The following NFIB variants were observed in gnomAD, a reference collection of about 807,000 sequenced individuals.
NFIB encodes the protein nuclear factor 1 B-type.
NFIB carries 11 observed loss-of-function variants against 61.5 expected under a neutral mutation model. The ratio of observed to expected loss-of-function variants is 0.18; its 90% CI spans 0.11 to 0.30. The LOEUF is 0.30. Ranked by LOEUF, NFIB falls within the 10% of genes least tolerant of loss-of-function variation. NFIB has a pLI of 1.00. For synonymous variants in NFIB, 260 were observed against 216.5 expected (o/e 1.20, Z -1.76); for missense variants, 471 against 608.9 (o/e 0.77, Z 2.38).
chr9:14,394,636 G>T (rs944371098), intron 1 of NFIB, among the ~76,000 whole-genome samples: 1 of 152,182 alleles, frequency 6.6e-6, no homozygotes, highest in Non-Finnish European at 1.5e-5. Context: ...GATTATTACA[G>T]TTCAAGGTGA....
the NFIB span, among the ~76,000 whole-genome samples, chr9:14,418,338 T>G: frequency 1.3e-5 from 2 of 152,028 alleles, no homozygotes; most frequent in African/African-American, 4.8e-5. Context: ...TATATGAACA[T>G]CCACAATGGC....
intron 1 of NFIB, among the ~76,000 whole-genome samples, chr9:14,375,286 T>C (rs974703792): frequency 5.3e-5 from 8 of 152,244 alleles, no homozygotes; most frequent in Non-Finnish European, 8.8e-5. Context: ...TCTCCAATCA[T>C]GAAAAAGGAA....
At chr9:14,390,916 C>A (rs947750449) in intron 1 of NFIB, among the ~76,000 whole-genome samples, 5 of 152,160 alleles carry the variant, frequency 3.3e-5, no homozygotes, top group African/African-American at 9.7e-5. Flanking sequence ...CAGACTAAGA[C>A]TTTGGATTAT....
At chr9:14,318,936 C>CA (rs2060602217), upstream of NFIB, among the ~76,000 whole-genome samples, 1 of 152,144 alleles carries the variant, frequency 6.6e-6, no homozygotes, top group Non-Finnish European at 1.5e-5. Context: ...TACTCTTAAA[C>CA]AAAAAACAAA....
chr9:14,416,872 G>C, the NFIB span, among the ~76,000 whole-genome samples: 3 of 147,048 alleles, frequency 2.0e-5, no homozygotes, highest in Non-Finnish European at 4.4e-5. Flanking sequence ...GAAGAGCCCT[G>C]TATAGGTATA....
intron 10 of NFIB, among the ~76,000 whole-genome samples, chr9:14,102,692 T>C (rs1019982098): frequency 6.6e-6 from 1 of 151,930 alleles, no homozygotes; most frequent in East Asian, 1.9e-4. Flanking sequence ...TCCTAGACTC[T>C]TTTTTAGAAA....
At chr9:14,320,871 G>A (rs1315409016) in intron 1 of NFIB, among the ~76,000 whole-genome samples, 2 of 152,066 alleles carry the variant, frequency 1.3e-5, no homozygotes, top group Non-Finnish European at 2.9e-5. Flanking sequence ...TATAAGATCC[G>A]TTCAAAGAAA....
intron 10 of NFIB, among the ~76,000 whole-genome samples, chr9:14,105,548 CT>C (rs1252019166): frequency 6.6e-6 from 1 of 151,988 alleles, no homozygotes; most frequent in Non-Finnish European, 1.5e-5. Flanking sequence ...AATAAACCTT[CT>C]TGGTCATAAA....
At chr9:14,342,035 T>A (rs965577571) in intron 1 of NFIB, among the ~76,000 whole-genome samples, 2 of 152,164 alleles carry the variant, frequency 1.3e-5, no homozygotes, top group East Asian at 3.9e-4. Flanking sequence ...CAATAGTTCA[T>A]TGGAACATAC....
chr9:14,100,066 A>G (rs510777), intron 10 of NFIB, among the ~76,000 whole-genome samples: 77,407 of 151,988 alleles, frequency 0.51, 21,834 homozygotes, highest in African/African-American at 0.74. Flanking sequence ...AAGTGAGACT[A>G]TCTAAAAAAT....
At chr9:14,323,073 G>T (rs2060700971) in intron 1 of NFIB, among the ~76,000 whole-genome samples, 1 of 152,202 alleles carries the variant, frequency 6.6e-6, no homozygotes, top group Admixed American at 6.5e-5. Context: ...CTTCAACTTC[G>T]CCAGGCCACG....
At chr9:14,519,873 G>C in the NFIB span, among the ~76,000 whole-genome samples, 1 of 152,128 alleles carries the variant, frequency 6.6e-6, no homozygotes, top group African/African-American at 2.4e-5. Flanking sequence ...TAGATGCCTA[G>C]GCCCTTAACC....
chr9:14,125,747 A>G lies in NFIB; in HGVS notation c.945T>C (p.Thr315=), dbSNP rs1397225466. The part of the protein sequence containing the change: ...ERDQDMSSPT[T]MKKPEKPLFS... ...ACAATGGCTTTTCAGGCTTCTTCAT[A>G]GTAGTCGGAGAAGACATATCTGCGA... Residue 315 remains threonine, a synonymous_variant, in exon 7 of 11, where the codon ACT becomes ACC. Coordinates refer to ENST00000380953, the MANE Select transcript of NFIB (RefSeq NM_001190737.2). The G allele has an allele frequency of 6.2e-7, 1 of 1,614,026 alleles. No homozygotes were observed. The highest frequency in any genetic ancestry group is 8.5e-7 in the Non-Finnish European group (1 of 1,179,998).
At chr9:14,315,163 C>G (rs1333901461), upstream of NFIB, among the ~76,000 whole-genome samples, 1 of 151,754 alleles carries the variant, frequency 6.6e-6, no homozygotes, top group African/African-American at 2.4e-5. Flanking sequence ...GGGTGCGGCG[C>G]CCAGCCCCCG....
At chr9:14,486,696 T>TACACACAC in the NFIB span, among the ~76,000 whole-genome samples, 100 of 149,966 alleles carry the variant, frequency 6.7e-4, no homozygotes, top group African/African-American at 2.3e-3. Context: ...TGCATGTAAA[T>TACACACAC]ACACACACAC....
At chr9:14,170,648 G>T (rs2045466858) in intron 3 of NFIB, among the ~76,000 whole-genome samples, 1 of 152,020 alleles carries the variant, frequency 6.6e-6, no homozygotes, top group Admixed American at 6.6e-5. Context: ...CTCGGGGAGA[G>T]GGGGAGTTAC....
intron 1 of NFIB, among the ~76,000 whole-genome samples, chr9:14,373,331 C>T (rs983668446): frequency 2.0e-5 from 3 of 152,186 alleles, no homozygotes; most frequent in Non-Finnish European, 4.4e-5. Context: ...CTCTTATATG[C>T]AGATGGGAGT....
the NFIB span, among the ~76,000 whole-genome samples, chr9:14,525,250 G>A: frequency 6.6e-6 from 1 of 152,164 alleles, no homozygotes; most frequent in African/African-American, 2.4e-5. Flanking sequence ...GCAGGCAATG[G>A]TCAAACACCT....
chr9:14,319,202 A>G (rs1253526890), intron 1 of NFIB, among the ~76,000 whole-genome samples: 1 of 152,164 alleles, frequency 6.6e-6, no homozygotes, highest in African/African-American at 2.4e-5. Context: ...AAAAAAAAAA[A>G]AAGCATCCCA....
Sources: allele counts gnomAD v4.1 joint callset (sites outside exome capture counted in the v4.1 genomes callset), GRCh38; gene constraint gnomAD v4.1.1; transcripts MANE v1.5; gene names NCBI Gene and HGNC (gene_info 2026-07-23, HGNC 2026-07-21).